Variants in OSBPL5 observed in about 807,000 individuals in gnomAD.
The protein encoded by OSBPL5 is oxysterol binding protein like 5.
A neutral mutation model predicts 111.2 loss-of-function variants in OSBPL5; 71 were observed. That is an observed-to-expected ratio of 0.64 (90% CI 0.53 to 0.78). OSBPL5 has a LOEUF of 0.78. OSBPL5 is among the 30% of genes least tolerant of loss of function. The pLI is 0.00. For missense variants in OSBPL5, 1,210 were observed against 1,189.3 expected, an observed-to-expected ratio of 1.02 and a Z score of -0.26; for synonymous variants, 549 against 513.9, an observed-to-expected ratio of 1.07 and a Z score of -0.93.
chr11:3,094,726 A>C, intron 14 of OSBPL5: 1 of 182,566 alleles, frequency 5.5e-6, no homozygotes, highest in Admixed American at 5.6e-5. Flanking sequence ...GCTTCACTTG[A>C]CTCTGCAGTT....
At position 3,094,330 on chromosome 11, in the gene OSBPL5, G is replaced by C. The variant is rs752487618; in HGVS notation, c.1626C>G (p.Ile542Met). Residue 542 changes from isoleucine to methionine, a missense_variant, in exon 15 of 22, where the codon ATC becomes ATG. Transcript: ENST00000263650. ...LTMPYAHCKG[I>M]LYGTMTLELG... ...GCTCCAGGGTCATCGTGCCATACAG[G>C]ATTCCTGAAATGCAGCCAGTGTCAG... 2.2e-5 allele frequency: 36 copies of C among 1,613,176 alleles called. No homozygotes were observed. The highest frequency in any genetic ancestry group is 1.6e-4 in the Middle Eastern group (1 of 6,082).
chr11:3,091,823 G>C (rs773194521), intron 19 of OSBPL5, among the ~76,000 whole-genome samples: 1 of 152,150 alleles, frequency 6.6e-6, no homozygotes, highest in Non-Finnish European at 1.5e-5. Context: ...GCATCAGCTG[G>C]GGAACACGCC....
chr11:3,157,378 G>A (rs528104313), intron 1 of OSBPL5, among the ~76,000 whole-genome samples: 19 of 152,326 alleles, frequency 1.2e-4, no homozygotes, highest in Admixed American at 5.9e-4. Flanking sequence ...CCAGGAGAAG[G>A]TGACGTCCCC....
chr11:3,094,348 A>T lies in OSBPL5; in HGVS notation c.1622-14T>A, dbSNP rs2134389030. 1 of 1,609,762 alleles carries T rather than the reference A, an allele frequency of 6.2e-7. No individual in the cohort carries two copies. Among genetic ancestry groups the T allele is most frequent in the South Asian group, 1.1e-5 (1 of 91,002 alleles). ...CATACAGGATTCCTGAAATGCAGCCAGTGTCAGGGGCCAGGCGGCCCCAGC... is the reference window on the plus strand; with the variant it reads ...CATACAGGATTCCTGAAATGCAGCCTGTGTCAGGGGCCAGGCGGCCCCAGC... On this transcript the variant is annotated splice_polypyrimidine_tract_variant and intron_variant, in intron 14 of 21. Coordinates refer to ENST00000263650, the MANE Select transcript of OSBPL5 (RefSeq NM_020896.4).
intron 1 of OSBPL5, among the ~76,000 whole-genome samples, chr11:3,152,073 A>T (rs553237795): frequency 6.6e-6 from 1 of 152,304 alleles, no homozygotes; most frequent in Admixed American, 6.5e-5. Context: ...CAGCCTCCCG[A>T]TTACATCAAG....
chr11:3,107,625 C>A lies in OSBPL5; in HGVS notation c.866+146G>T, dbSNP rs1309269182. On this transcript the variant is annotated intron_variant, in intron 8 of 21. Coordinates refer to ENST00000263650, the MANE Select transcript of OSBPL5 (RefSeq NM_020896.4). This position sits in a 1 kb window ranked among gnomAD's most constrained non-coding sequence, Gnocchi z 6.1. ...CCCGTTTTAGAGGAAGGAACCGAGG[C>A]TCCCAGGGCACACTGCAGCGAACAA... 1.5e-6 allele frequency: 2 copies of A among 1,362,376 alleles called. No individual in the cohort carries two copies. Among genetic ancestry groups the A allele is most frequent in the East Asian group, 2.3e-5 (1 of 42,690 alleles). 84.4% of individuals were successfully genotyped at this position (1,362,376 alleles called of 1,614,324 possible).
In OSBPL5 at chr11:3,098,495, A is replaced by ATTTTTTTTTTTT. The variant is rs552382553; in HGVS notation, c.1621+1651_1621+1662dup. Among the ~76,000 whole-genome samples, 449 of 81,194 alleles carry ATTTTTTTTTTTT rather than the reference A, an allele frequency of 5.5e-3. 31 individuals are homozygous for ATTTTTTTTTTTT. The highest frequency in any genetic ancestry group is 0.012 in the African/African-American group (187 of 15,914). The allele number at this position is 81,194 out of a possible 152,430, so 53.3% of individuals were successfully genotyped here. A position where few individuals can be genotyped will look rare whatever the true frequency, so the allele number is the denominator to read the frequency against. On this transcript the variant is annotated intron_variant, in intron 14 of 21. Coordinates refer to ENST00000263650, the MANE Select transcript of OSBPL5 (RefSeq NM_020896.4). ...TCAAGCCATAAAAAGACATGAAGGA[A>ATTTTTTTTTTTT]TTTTTTTTTTTTTTTTTTTTTTTTT...
intron 15 of OSBPL5, 118 bp downstream of exon 15, chr11:3,094,118 TC>T: frequency 1.0e-6 from 1 of 958,656 alleles, no homozygotes; most frequent in Non-Finnish European, 1.6e-6. Flanking sequence ...CAACAGCTGC[TC>T]CCCTTATGTG....
At chr11:3,111,978 T>C (rs1402540847) in intron 7 of OSBPL5, among the ~76,000 whole-genome samples, 5 of 133,962 alleles carry the variant, frequency 3.7e-5, no homozygotes, top group African/African-American at 8.1e-5. Context: ...TGCATATGTG[T>C]GCGCGCATGT....
intron 7 of OSBPL5, among the ~76,000 whole-genome samples, chr11:3,118,268 T>A (rs1451508269): frequency 6.6e-6 from 1 of 152,208 alleles, no homozygotes; most frequent in Non-Finnish European, 1.5e-5. Context: ...CTATTCCAAG[T>A]CACCCCTCTG....
At position 3,088,316 on chromosome 11, in the gene OSBPL5, C is replaced by T. The variant is rs139072483; in HGVS notation, c.2529G>A (p.Thr843=). 1.4e-3 allele frequency: 2,199 copies of T among 1,596,860 alleles called. 10 individuals carry two copies. The highest frequency in any genetic ancestry group is 1.2e-3 in the Non-Finnish European group (1,368 of 1,173,102). Residue 843 remains threonine, a synonymous_variant, in exon 22 of 22, where the codon ACG becomes ACA. Coordinates refer to ENST00000263650, the MANE Select transcript of OSBPL5 (RefSeq NM_020896.4). ...GGGTCGGTGCCTGTGCTGCCCGTGC[C>T]GTGGAGCTCAGCATGGCCGAGAGGT... ...HRHLSAMLSS[T]ARAAQAPTPG...
chr11:3,102,136 C>G lies in OSBPL5; in HGVS notation c.1425+47G>C, dbSNP rs576271193. 3.2e-6 allele frequency: 5 copies of G among 1,545,124 alleles called. No individual in the cohort carries two copies. In the Admixed American group the frequency reaches 5.9e-5, roughly 18 times the overall value. ...GGGCCCCGCCCCCACAGAGCCCCGCCCCATAGAGCCCAGCACCCAGGCCGG... is the reference window on the plus strand; with the variant it reads ...GGGCCCCGCCCCCACAGAGCCCCGCGCCATAGAGCCCAGCACCCAGGCCGG... On this transcript the variant is annotated intron_variant, in intron 12 of 21. Transcript: ENST00000263650.
In OSBPL5 at chr11:3,109,734, T is replaced by C. The variant is rs953487675; in HGVS notation, c.692-1789A>G. ...GGGTTGGGGGAGGGATGGCAGTGGA[T>C]GGTGGTGGGGAGCTGGAGGGGTCAC... On this transcript the variant is annotated intron_variant, in intron 7 of 21. Transcript: ENST00000263650. This position sits in a 1 kb window ranked among gnomAD's most constrained non-coding sequence, Gnocchi z 7.4. Among the ~76,000 whole-genome samples the C allele has an allele frequency of 1.3e-5, 2 of 151,902 alleles. No individual in the cohort carries two copies. The highest frequency in any genetic ancestry group is 3.9e-4 in the East Asian group (2 of 5,162).
chr11:3,122,680 G>A (rs545813481), intron 3 of OSBPL5, among the ~76,000 whole-genome samples: 14 of 152,322 alleles, frequency 9.2e-5, no homozygotes, highest in East Asian at 5.8e-4. Context: ...CATCCTCCCC[G>A]GGGCACATGC....
chr11:3,091,484 C>T (rs780534602), intron 19 of OSBPL5, among the ~76,000 whole-genome samples: 16 of 152,196 alleles, frequency 1.1e-4, no homozygotes, highest in South Asian at 4.2e-4. Context: ...GCTGACTGAC[C>T]TCAGCAGGGG....
chr11:3,103,258 C>G lies in OSBPL5; in HGVS notation c.1307G>C (p.Gly436Ala). ...GCTCACCTTGGGCTTCTTGTAGAAGCCAGACAGGTACCACCGCAGCACCAG... is the reference window on the plus strand; with the variant it reads ...GCTCACCTTGGGCTTCTTGTAGAAGGCAGACAGGTACCACCGCAGCACCAG... ...MKLVLRWYLS[G>A]FYKKPKGIKK... Residue 436 changes from glycine (G) to alanine (A), a missense_variant, in exon 11 of 22, where the codon GGC becomes GCC. By Grantham distance (60) the Gly-to-Ala change is moderately conservative. Coordinates refer to ENST00000263650, the MANE Select transcript of OSBPL5 (RefSeq NM_020896.4). 1 of 1,606,080 alleles carries G rather than the reference C, an allele frequency of 6.2e-7. No homozygotes were observed. Among genetic ancestry groups the G allele is most frequent in the Non-Finnish European group, 8.5e-7 (1 of 1,176,244 alleles).
At chr11:3,158,065 C>A (rs1846835757) in intron 1 of OSBPL5, among the ~76,000 whole-genome samples, 1 of 152,254 alleles carries the variant, frequency 6.6e-6, no homozygotes, top group African/African-American at 2.4e-5. Flanking sequence ...CAACCAGGCC[C>A]TGTCCCGAAG....
Position 3,101,702 on chromosome 11 carries a change from G to A in OSBPL5, c.1426-3C>T, listed in dbSNP as rs1302789318. The A allele has an allele frequency of 1.2e-6, 2 of 1,612,740 alleles. No homozygotes were observed. The highest frequency in any genetic ancestry group is 1.7e-5 in the Admixed American group (1 of 60,028). ...GACACGGGCGGGTGGTGGGACACCT[G>A]CGTGCAGGGAGGCGGCTCTGTAAAC... is the stretch of plus-strand genomic sequence containing the variant. On this transcript the variant is annotated splice_region_variant and splice_polypyrimidine_tract_variant and intron_variant, in intron 12 of 21. Transcript: ENST00000263650.
chr11:3,163,023 G>A (rs1163915838), intron 1 of OSBPL5, among the ~76,000 whole-genome samples: 3 of 151,778 alleles, frequency 2.0e-5, no homozygotes, highest in African/African-American at 4.8e-5. Flanking sequence ...CTCCCTCCCC[G>A]ACAGCTCCCT....
Sources: allele counts gnomAD v4.1 joint callset (sites outside exome capture counted in the v4.1 genomes callset), GRCh38; gene constraint gnomAD v4.1.1; non-coding constraint Gnocchi (gnomAD v3.1); transcripts MANE v1.5; gene names NCBI Gene and HGNC (gene_info 2026-07-23, HGNC 2026-07-21).